TRAK1: variants seen among roughly 807,000 people sequenced by gnomAD.
TRAK1 encodes the protein trafficking kinesin-binding protein 1.
A neutral mutation model predicts 92.1 loss-of-function variants in TRAK1; 33 were observed. The observed-to-expected ratio is 0.36, with a 90% CI of 0.27 to 0.48. The LOEUF (loss-of-function observed/expected upper bound fraction) is 0.48. Ranked by LOEUF, TRAK1 falls within the 20% of genes least tolerant of loss-of-function variation. TRAK1 has a pLI of 0.99. For synonymous variants in TRAK1, 521 were observed against 517.3 expected, an observed-to-expected ratio of 1.01 and a Z score of -0.10; for missense variants, 1,123 against 1,257.9, an observed-to-expected ratio of 0.89 and a Z score of 1.62.
At chr3:42,107,718 C>T (rs775002842) in intron 1 of TRAK1, among the ~76,000 whole-genome samples, 1 of 151,878 alleles carries the variant, frequency 6.6e-6, no homozygotes, top group Non-Finnish European at 1.5e-5. Flanking sequence ...ACCTCTTTGC[C>T]TGTACAGATA....
rs773386398 is a variant in TRAK1 at position 42,184,784 on chromosome 3, G to A, written c.463G>A (p.Glu155Lys). The A allele has an allele frequency of 6.2e-7, 1 of 1,613,840 alleles. No individual in the cohort carries two copies. Among genetic ancestry groups the A allele is most frequent in the South Asian group, 1.1e-5 (1 of 91,048 alleles). The change falls in exon 4 of 16, where the codon GAA becomes AAA. Residue 155 changes from glutamate (E) to lysine (K), a missense_variant. Physicochemically the swap from Glu to Lys is moderately conservative, Grantham distance 56 (BLOSUM62 1). Transcript: ENST00000327628. ...GAACGAGCTGCTGGAGGAGCAGGTG[G>A]AACACATCAGGGAGGAGGTAAGACA... Reference protein sequence around the residue: ...ERNELLEEQVEHIREEVSQLR... With the variant: ...ERNELLEEQVKHIREEVSQLR...
intron 1 of TRAK1, among the ~76,000 whole-genome samples, chr3:42,098,862 CG>C: frequency 6.6e-6 from 1 of 152,072 alleles, no homozygotes; most frequent in East Asian, 1.9e-4. Flanking sequence ...GTATGGGTGC[CG>C]TGAAAGTCCC....
intron 2 of TRAK1, among the ~76,000 whole-genome samples, chr3:42,128,756 T>G (rs1710915999): frequency 6.6e-6 from 1 of 152,378 alleles, no homozygotes; most frequent in Admixed American, 6.5e-5. Context: ...GCAGTTACTT[T>G]GAATAACTGC....
upstream of TRAK1, among the ~76,000 whole-genome samples, chr3:42,087,825 A>G (rs1387592666): frequency 6.6e-6 from 1 of 152,152 alleles, no homozygotes; most frequent in South Asian, 2.1e-4. Context: ...AAAACAGAAA[A>G]CTACATGGAG....
At chr3:42,092,724 T>TTATGTTATGA (rs1705277663) in intron 1 of TRAK1, among the ~76,000 whole-genome samples, 2 of 135,984 alleles carry the variant, frequency 1.5e-5, no homozygotes, top group African/African-American at 5.3e-5. Flanking sequence ...TTATGTTATG[T>TTATGTTATGA]TATGTTATGT....
chr3:42,099,412 C>T (rs184387990), intron 1 of TRAK1, among the ~76,000 whole-genome samples: 3 of 152,290 alleles, frequency 2.0e-5, no homozygotes, highest in South Asian at 2.1e-4. Context: ...GACCTGAGTG[C>T]GGCAGCTCAG....
At chr3:42,210,760 A>G (rs749245741) in intron 14 of TRAK1, 26 of 985,506 alleles carry the variant, frequency 2.6e-5, no homozygotes, top group Admixed American at 6.1e-5. Flanking sequence ...ATACTCCTTA[A>G]CCAAATAAAC....
At chr3:42,149,267 G>A (rs146233510) in intron 2 of TRAK1, 44 of 1,345,046 alleles carry the variant, frequency 3.3e-5, no homozygotes, top group Middle Eastern at 2.8e-4. Context: ...TGCTTTATTG[G>A]CAGTGCTGCC....
chr3:42,143,862 A>G (rs1036921262), intron 2 of TRAK1, among the ~76,000 whole-genome samples: 3 of 152,182 alleles, frequency 2.0e-5, no homozygotes, highest in Non-Finnish European at 4.4e-5. Flanking sequence ...TCACAGAGCT[A>G]TGGACAGATT....
At chr3:42,157,621 C>T (rs891171184) in intron 2 of TRAK1, among the ~76,000 whole-genome samples, 1 of 151,956 alleles carries the variant, frequency 6.6e-6, no homozygotes. Flanking sequence ...TAAGAAAACA[C>T]CAGGAATACC....
intron 1 of TRAK1, among the ~76,000 whole-genome samples, chr3:42,110,094 GTA>G (rs375315730): frequency 0.15 from 12,829 of 82,806 alleles, 1,099 homozygotes; most frequent in Non-Finnish European, 0.18. Context: ...AGAACTTAAA[GTA>G]TATATATATA....
At chr3:42,073,991 C>G (rs773692689) in intron 1 of TRAK1, among the ~76,000 whole-genome samples, 1 of 152,142 alleles carries the variant, frequency 6.6e-6, no homozygotes, top group African/African-American at 2.4e-5. Context: ...AGTTCCTTTG[C>G]CCCTGTTACG....
intron 1 of TRAK1, among the ~76,000 whole-genome samples, chr3:42,025,464 A>G (rs17066713): frequency 0.066 from 9,997 of 152,242 alleles, 846 homozygotes; most frequent in African/African-American, 0.19. Flanking sequence ...TACTCTTTCA[A>G]TGTCCATAAG....
At chr3:42,044,707 A>C (rs1427579439) in intron 1 of TRAK1, among the ~76,000 whole-genome samples, 52 of 152,152 alleles carry the variant, frequency 3.4e-4, no homozygotes, top group Non-Finnish European at 7.3e-5. Context: ...GGAGAAGGGG[A>C]GGTGCTACAG....
intron 8 of TRAK1, among the ~76,000 whole-genome samples, chr3:42,193,536 C>A (rs1367492080): frequency 6.6e-6 from 1 of 152,028 alleles, no homozygotes; most frequent in African/African-American, 2.4e-5. Context: ...AGAGCAGTAT[C>A]CTCTTCAGAT....
intron 1 of TRAK1, among the ~76,000 whole-genome samples, chr3:42,105,488 G>A (rs1052372874): frequency 3.3e-5 from 5 of 152,122 alleles, no homozygotes; most frequent in Non-Finnish European, 5.9e-5. Context: ...AAAAAGAAAC[G>A]AACAAAGCCT....
intron 1 of TRAK1, among the ~76,000 whole-genome samples, chr3:42,030,372 A>AAAAAAATATATATAT (rs540353037): frequency 3.0e-5 from 4 of 132,320 alleles, no homozygotes; most frequent in African/African-American, 1.1e-4. Flanking sequence ...TAAAAAAAAA[A>AAAAAAATATATATAT]ATATATATAT....
intron 1 of TRAK1, among the ~76,000 whole-genome samples, chr3:42,032,513 C>T (rs1702185839): frequency 1.3e-5 from 2 of 151,324 alleles, no homozygotes; most frequent in East Asian, 1.9e-4. Context: ...TTGCAACCTC[C>T]AGCCTCTTCT....
chr3:42,082,005 G>A (rs1704459879), intron 1 of TRAK1, among the ~76,000 whole-genome samples: 1 of 152,208 alleles, frequency 6.6e-6, no homozygotes, highest in South Asian at 2.1e-4. Flanking sequence ...CATGTAAAAT[G>A]TTCTTTGGAT....
Sources: allele counts gnomAD v4.1 joint callset (sites outside exome capture counted in the v4.1 genomes callset), GRCh38; gene constraint gnomAD v4.1.1; transcripts MANE v1.5; gene names NCBI Gene and HGNC (gene_info 2026-07-23, HGNC 2026-07-21).